The following GLIS3 variants were observed in gnomAD, a reference collection of about 807,000 sequenced individuals.
GLIS3 encodes GLIS family zinc finger 3.
Under a neutral mutation model 78.6 loss-of-function variants are expected in GLIS3, and 53 were observed. The observed-to-expected ratio is 0.67, with a 90% CI of 0.54 to 0.85. The LOEUF is 0.85. GLIS3 is among the 40% of genes least tolerant of loss of function. The probability of loss-of-function intolerance (pLI) is 0.00; values close to 1 mark genes in which losing one functional copy is unlikely to be tolerated. For synonymous variants in GLIS3, 684 were observed against 509.9 expected, an observed-to-expected ratio of 1.34 and a Z score of -4.60; for missense variants, 1,703 against 1,231.1, an observed-to-expected ratio of 1.38 and a Z score of -5.74.
At chr9:4,267,292 G>C (rs1826104140) in intron 2 of GLIS3, among the ~76,000 whole-genome samples, 3 of 152,152 alleles carry the variant, frequency 2.0e-5, no homozygotes, top group Admixed American at 2.0e-4. Context: ...TCAAAGATGA[G>C]TTTATAGATA....
intron 4 of GLIS3, among the ~76,000 whole-genome samples, chr9:3,950,341 T>G (rs900563929): frequency 1.3e-5 from 2 of 152,206 alleles, no homozygotes; most frequent in Non-Finnish European, 2.9e-5. Flanking sequence ...ATGTTCCTCT[T>G]CTGTGTAGAA....
chr9:4,276,205 C>A (rs1307649615), intron 2 of GLIS3, among the ~76,000 whole-genome samples: 3 of 149,982 alleles, frequency 2.0e-5, no homozygotes, highest in African/African-American at 4.9e-5. Context: ...ATCACCTGAA[C>A]CTAGGAGGTG....
rs569835206 is a variant in GLIS3, at chr9:3,997,371, A to AAAAATAAAAT, written c.1711-60192_1711-60183dup. On this transcript the variant is annotated intron_variant, in intron 4 of 10. Transcript: ENST00000381971. ...TCCGTCTCAAGAAAACAATAAAAATAAAAATAAAATAAAATAAAATAAAAT... is the reference window on the plus strand; with the variant it reads ...TCCGTCTCAAGAAAACAATAAAAATAAAAATAAAATAAAATAAAATAAAATAAAATAAAAT... 1.0e-2 allele frequency among the ~76,000 whole-genome samples: 1,515 copies of AAAAATAAAAT among 151,984 alleles called. 44 individuals carry two copies. The highest frequency in any genetic ancestry group is 0.034 in the African/African-American group (1,425 of 41,402).
intron 4 of GLIS3, among the ~76,000 whole-genome samples, chr9:4,013,072 G>A (rs537731076): frequency 2.0e-5 from 3 of 152,034 alleles, no homozygotes; most frequent in African/African-American, 7.2e-5. Context: ...TTCTTATATG[G>A]AAATAGAGCA....
At chr9:4,401,758 AT>A in the GLIS3 span, among the ~76,000 whole-genome samples, 2,623 of 148,770 alleles carry the variant, frequency 0.018, 77 homozygotes, top group African/African-American at 0.058. Context: ...TGCCCAGCTA[AT>A]TTTTTTTTTC....
intron 4 of GLIS3, among the ~76,000 whole-genome samples, chr9:3,990,774 T>A (rs1323589558): frequency 6.6e-6 from 1 of 152,210 alleles, no homozygotes; most frequent in Non-Finnish European, 1.5e-5. Context: ...TAAACGTATG[T>A]ATATTTTAGT....
At chr9:4,468,218 A>T in the GLIS3 span, among the ~76,000 whole-genome samples, 2 of 152,212 alleles carry the variant, frequency 1.3e-5, no homozygotes. Context: ...TCTGCAGGAT[A>T]TTATCCAGGA....
chr9:3,884,722 C>A (rs10733497), intron 7 of GLIS3, among the ~76,000 whole-genome samples: 151,233 of 152,276 alleles, frequency 0.99, 75,110 homozygotes, highest in Middle Eastern at 1. Context: ...CTTGAGGCCT[C>A]TTCTGGTTCC....
chr9:4,193,291 C>A (rs1818498836), intron 2 of GLIS3, among the ~76,000 whole-genome samples: 1 of 152,168 alleles, frequency 6.6e-6, no homozygotes, highest in Admixed American at 6.5e-5. Context: ...AAATTCAAAT[C>A]TTGGTGCCAA....
At chr9:3,862,623 C>G (rs572340291) in intron 8 of GLIS3, among the ~76,000 whole-genome samples, 2 of 152,140 alleles carry the variant, frequency 1.3e-5, no homozygotes, top group Non-Finnish European at 2.9e-5. Flanking sequence ...ACAAGCAGTT[C>G]CAGCCAGCAG....
At chr9:4,006,256 T>C (rs1821536474) in intron 4 of GLIS3, among the ~76,000 whole-genome samples, 1 of 141,258 alleles carries the variant, frequency 7.1e-6, no homozygotes, top group African/African-American at 2.7e-5. Context: ...GAGCTCCTTT[T>C]ACAGATTATT....
At chr9:3,975,115 T>A (rs1160116580) in intron 4 of GLIS3, 3 of 152,112 alleles carry the variant, frequency 2.0e-5, no homozygotes, top group African/African-American at 7.2e-5. Context: ...AATCTTATAT[T>A]GTGAATATAG....
intron 4 of GLIS3, among the ~76,000 whole-genome samples, chr9:4,020,617 G>A (rs1323819679): frequency 6.6e-6 from 1 of 152,184 alleles, no homozygotes; most frequent in East Asian, 1.9e-4. Context: ...CTGTCATCAG[G>A]CTTTTCACCT....
chr9:3,953,764 TCTCTCTCTCTCTCTC>T (rs1278915114), intron 4 of GLIS3, among the ~76,000 whole-genome samples: 140 of 49,742 alleles, frequency 2.8e-3, no homozygotes, highest in African/African-American at 9.0e-3. Context: ...AGATTTGCTC[TCTCTCTCTCTCTCTC>T]TCTCTCTCTC....
intron 4 of GLIS3, among the ~76,000 whole-genome samples, chr9:4,051,975 A>T (rs1437367821): frequency 2.0e-5 from 3 of 152,222 alleles, no homozygotes; most frequent in East Asian, 1.9e-4. Context: ...CTCATTGCTC[A>T]TTTGTAGAAC....
intron 9 of GLIS3, among the ~76,000 whole-genome samples, chr9:3,836,254 C>T (rs546976768): frequency 6.6e-6 from 1 of 152,306 alleles, no homozygotes; most frequent in Non-Finnish European, 1.5e-5. Context: ...ATTGGCAGCC[C>T]CTCAGTTTCT....
the GLIS3 span, among the ~76,000 whole-genome samples, chr9:4,470,696 G>C: frequency 2.7e-4 from 41 of 152,044 alleles, no homozygotes; most frequent in Middle Eastern, 3.4e-3. Flanking sequence ...ACTGGCACAA[G>C]ACAGGGATGC....
At chr9:4,418,762 A>T in the GLIS3 span, among the ~76,000 whole-genome samples, 7 of 152,286 alleles carry the variant, frequency 4.6e-5, no homozygotes, top group East Asian at 1.4e-3. Flanking sequence ...AGGGAGGAAA[A>T]ATCTTCATGA....
the GLIS3 span, among the ~76,000 whole-genome samples, chr9:4,403,760 C>A: frequency 6.6e-6 from 1 of 151,584 alleles, no homozygotes. Flanking sequence ...AACCATACCA[C>A]CAGAGAAAAT....
Sources: allele counts gnomAD v4.1 joint callset (sites outside exome capture counted in the v4.1 genomes callset), GRCh38; gene constraint gnomAD v4.1.1; transcripts MANE v1.5; gene names NCBI Gene and HGNC (gene_info 2026-07-23, HGNC 2026-07-21).